NWD2: variants seen among roughly 807,000 people sequenced by gnomAD.
NWD2 encodes the protein NACHT and WD repeat domain-containing protein 2.
NWD2 carries 37 observed loss-of-function variants against 132.7 expected under a neutral mutation model. The ratio of observed to expected loss-of-function variants is 0.28; its 90% confidence interval spans 0.21 to 0.37. NWD2 has a LOEUF of 0.37. Ranked by LOEUF, NWD2 falls within the 10% of genes least tolerant of loss-of-function variation. The pLI, the probability that NWD2 is intolerant of heterozygous loss-of-function variation, is 1.00. For synonymous variants in NWD2, 705 were observed against 803.0 expected (o/e 0.88, Z 2.06); for missense variants, 1,592 against 2,122.4 (o/e 0.75, Z 4.91).
chr4:37,360,909 A>AT (rs1388507407), intron 3 of NWD2, among the ~76,000 whole-genome samples: 1 of 152,190 alleles, frequency 6.6e-6, no homozygotes, highest in Admixed American at 6.5e-5. Flanking sequence ...TGGACCCTGA[A>AT]TACAGGCCTG....
chr4:37,275,786 G>T (rs1335189443), intron 1 of NWD2, among the ~76,000 whole-genome samples: 1 of 152,020 alleles, frequency 6.6e-6, no homozygotes, highest in African/African-American at 2.4e-5. Flanking sequence ...GCCCTCAGAA[G>T]TAAGGCCACG....
chr4:37,358,498 A>G (rs947132907), intron 3 of NWD2, among the ~76,000 whole-genome samples: 1 of 152,140 alleles, frequency 6.6e-6, no homozygotes, highest in African/African-American at 2.4e-5. Context: ...AGAACTAGGA[A>G]GCAGATTTCA....
chr4:37,294,880 AAC>A (rs2109273854), intron 1 of NWD2, among the ~76,000 whole-genome samples: 1 of 152,316 alleles, frequency 6.6e-6, no homozygotes, highest in African/African-American at 2.4e-5. Context: ...GAACCACAGA[AAC>A]AGTTTGTGGT....
intron 1 of NWD2, among the ~76,000 whole-genome samples, chr4:37,262,043 G>A (rs1457263463): frequency 6.6e-6 from 1 of 152,206 alleles, no homozygotes; most frequent in Admixed American, 6.5e-5. Flanking sequence ...TCAAAAAAAT[G>A]TAATGCCCCT....
At chr4:37,337,705 C>T (rs1390503314) in intron 2 of NWD2, among the ~76,000 whole-genome samples, 1 of 152,210 alleles carries the variant, frequency 6.6e-6, no homozygotes, top group East Asian at 1.9e-4. Context: ...GAGAGTATAA[C>T]CTTCTCCTTA....
chr4:37,304,812 A>G (rs897122532), intron 1 of NWD2, among the ~76,000 whole-genome samples: 2 of 152,176 alleles, frequency 1.3e-5, no homozygotes, highest in African/African-American at 4.8e-5. Flanking sequence ...CCAGGTGCCC[A>G]GTATAAGCTG....
intron 3 of NWD2, among the ~76,000 whole-genome samples, chr4:37,419,218 C>A (rs1404459345): frequency 6.6e-6 from 1 of 152,008 alleles, no homozygotes; most frequent in African/African-American, 2.4e-5. Flanking sequence ...TGAAACTGGA[C>A]CCCTTCCTTA....
chr4:37,317,592 T>A (rs942190654), intron 1 of NWD2, among the ~76,000 whole-genome samples: 7 of 152,164 alleles, frequency 4.6e-5, no homozygotes, highest in African/African-American at 1.7e-4. Context: ...AAGGCAAGAA[T>A]CCCCACAGAC....
chr4:37,380,871 C>A (rs953591916), intron 3 of NWD2, among the ~76,000 whole-genome samples: 8 of 152,198 alleles, frequency 5.3e-5, no homozygotes, highest in African/African-American at 1.9e-4. Flanking sequence ...ACGTTCCCCC[C>A]AGTCTTGATG....
intron 3 of NWD2, among the ~76,000 whole-genome samples, chr4:37,404,936 G>T (rs969416557): frequency 6.6e-6 from 1 of 152,190 alleles, no homozygotes; most frequent in African/African-American, 2.4e-5. Context: ...TCATGAGAGA[G>T]CGCCTTTCTG....
At chr4:37,420,351 CA>C in intron 3 of NWD2, among the ~76,000 whole-genome samples, 1 of 152,308 alleles carries the variant, frequency 6.6e-6, no homozygotes, top group East Asian at 1.9e-4. Context: ...AATTGCCCCT[CA>C]AACTATCTAA....
At chr4:37,272,527 T>C (rs923843562) in intron 1 of NWD2, among the ~76,000 whole-genome samples, 1 of 151,790 alleles carries the variant, frequency 6.6e-6, no homozygotes, top group Admixed American at 6.6e-5. Context: ...AGGGAAATTG[T>C]CTATTTTATT....
In NWD2 at chr4:37,296,261, A is replaced by G. The variant is rs114098542; in HGVS notation, c.152-29675A>G. 4.9e-3 allele frequency among the ~76,000 whole-genome samples: 741 copies of G among 152,310 alleles called. 4 individuals carry two copies. The highest frequency in any genetic ancestry group is 0.017 in the African/African-American group (690 of 41,566). ...TACACGTGCTAGATAAGCTGCATTC[A>G]GGCATGAGTTATAGTGCCGTTGGCC... is the stretch of plus-strand genomic sequence containing the variant. On this transcript the variant is annotated intron_variant, in intron 1 of 6. Transcript: ENST00000309447.
At chr4:37,422,794 A>G (rs1560251940) in intron 3 of NWD2, among the ~76,000 whole-genome samples, 1 of 152,216 alleles carries the variant, frequency 6.6e-6, no homozygotes, top group Admixed American at 6.5e-5. Flanking sequence ...TCAGAGAGAC[A>G]AAACAATCTG....
intron 1 of NWD2, among the ~76,000 whole-genome samples, chr4:37,311,257 A>G (rs1370384216): frequency 2.6e-5 from 4 of 152,154 alleles, no homozygotes; most frequent in Admixed American, 2.6e-4. Flanking sequence ...CCAACAGTGT[A>G]AAACTGTTCC....
intron 3 of NWD2, among the ~76,000 whole-genome samples, chr4:37,426,902 G>T (rs554587911): frequency 1.3e-5 from 2 of 152,096 alleles, no homozygotes; most frequent in African/African-American, 4.8e-5. Context: ...AGAGCAGAAA[G>T]AAGTTGAAGA....
intron 1 of NWD2, among the ~76,000 whole-genome samples, chr4:37,287,898 A>G (rs376696623): frequency 9.8e-5 from 15 of 152,362 alleles, no homozygotes; most frequent in African/African-American, 3.6e-4. Context: ...TAGCAAAGTC[A>G]TGGAACCAAC....
At chr4:37,262,460 G>T (rs946764387) in intron 1 of NWD2, among the ~76,000 whole-genome samples, 12 of 152,020 alleles carry the variant, frequency 7.9e-5, no homozygotes, top group African/African-American at 1.9e-4. Context: ...TTGTAGTTTT[G>T]ATTTGCATTT....
At chr4:37,377,598 G>T (rs1338372184) in intron 3 of NWD2, among the ~76,000 whole-genome samples, 2 of 152,156 alleles carry the variant, frequency 1.3e-5, no homozygotes, top group African/African-American at 2.4e-5. Context: ...GACAGGCGTG[G>T]TGGCACATGC....
Sources: allele counts gnomAD v4.1 joint callset (sites outside exome capture counted in the v4.1 genomes callset), GRCh38; gene constraint gnomAD v4.1.1; transcripts MANE v1.5; gene names NCBI Gene and HGNC (gene_info 2026-07-23, HGNC 2026-07-21).